The following PIP4K2A variants were observed in gnomAD, a reference collection of about 807,000 sequenced individuals.
PIP4K2A encodes phosphatidylinositol-5-phosphate 4-kinase type 2 alpha.
In PIP4K2A, 14 loss-of-function variants were observed where a neutral mutation model predicts 42.9. That is an observed-to-expected ratio of 0.33 (90% confidence interval 0.22 to 0.51). The LOEUF (loss-of-function observed/expected upper bound fraction) is 0.51, where lower values mean the gene tolerates loss of function less well. Among genes scored for constraint, PIP4K2A ranks in the 20% least tolerant of loss-of-function variants. The probability of loss-of-function intolerance (pLI) is 0.97; values close to 1 mark genes in which losing one functional copy is unlikely to be tolerated. For synonymous variants in PIP4K2A, 192 were observed against 192.2 expected (o/e 1.00, Z 0.01); for missense variants, 434 against 519.8 (o/e 0.83, Z 1.61).
At chr10:22,567,766 G>A (rs1248273680) in intron 6 of PIP4K2A, 85 bp downstream of exon 6, 1 of 1,140,716 alleles carries the variant, frequency 8.8e-7, no homozygotes, top group Non-Finnish European at 1.3e-6. Flanking sequence ...AGCAGGGGTG[G>A]GAGACTAGAA....
At chr10:22,702,077 T>C (rs1179547926) in intron 1 of PIP4K2A, among the ~76,000 whole-genome samples, 2 of 152,252 alleles carry the variant, frequency 1.3e-5, no homozygotes, top group Non-Finnish European at 2.9e-5. Context: ...CCAGTATCCC[T>C]AGCCATGTGG....
chr10:22,634,915 A>G (rs986480774), intron 1 of PIP4K2A, among the ~76,000 whole-genome samples: 7 of 152,206 alleles, frequency 4.6e-5, no homozygotes, highest in African/African-American at 1.7e-4. Flanking sequence ...TCCAATTTCT[A>G]TAAAACCTGG....
At chr10:22,678,618 C>T (rs1839605715) in intron 1 of PIP4K2A, among the ~76,000 whole-genome samples, 1 of 152,208 alleles carries the variant, frequency 6.6e-6, no homozygotes, top group South Asian at 2.1e-4. Flanking sequence ...TCTTCTCCAG[C>T]AGATTCCTAT....
At chr10:22,573,286 C>T (rs892878553) in intron 5 of PIP4K2A, 25 bp downstream of exon 5, 17 of 1,605,510 alleles carry the variant, frequency 1.1e-5, no homozygotes, top group Non-Finnish European at 1.4e-5. Flanking sequence ...AGTTACTTTA[C>T]AAAAATTCAT....
rs183172564 is a variant in PIP4K2A, at chr10:22,700,394, A to C, written c.144+13789T>G. 1.8e-3 allele frequency among the ~76,000 whole-genome samples: 279 copies of C among 152,336 alleles called. 1 individual carries two copies. The highest frequency in any genetic ancestry group is 3.3e-3 in the Non-Finnish European group (226 of 68,018). On this transcript the variant is annotated intron_variant, in intron 1 of 9. Coordinates refer to ENST00000376573, the MANE Select transcript of PIP4K2A (RefSeq NM_005028.5). ...TCTATAAGGGGACTTTATAAACCCC[A>C]CTTTCTTTTCTTCTGTCCAGACTGA...
chr10:22,573,530 C>A, intron 4 of PIP4K2A, 73 bp from the exon 5 acceptor site: 1 of 1,316,156 alleles, frequency 7.6e-7, no homozygotes, highest in Non-Finnish European at 1.0e-6. Context: ...AAAATACATA[C>A]GCCTATGGTG....
chr10:22,575,298 G>A (rs1837084769), intron 4 of PIP4K2A, among the ~76,000 whole-genome samples: 1 of 152,144 alleles, frequency 6.6e-6, no homozygotes, highest in Admixed American at 6.5e-5. Flanking sequence ...CTGCTCCGAG[G>A]CAGTTATTTT....
intron 1 of PIP4K2A, among the ~76,000 whole-genome samples, chr10:22,668,608 G>GA (rs1839394046): frequency 6.6e-6 from 1 of 152,162 alleles, no homozygotes; most frequent in Non-Finnish European, 1.5e-5. Context: ...GCATTTTCCT[G>GA]AAAATTCAAT....
intron 4 of PIP4K2A, among the ~76,000 whole-genome samples, chr10:22,586,838 C>T (rs1054428419): frequency 6.6e-6 from 1 of 152,166 alleles, no homozygotes; most frequent in African/African-American, 2.4e-5. Context: ...GCCCATTTAG[C>T]ACTTCTTATA....
At chr10:22,662,949 A>G (rs904410936) in intron 1 of PIP4K2A, among the ~76,000 whole-genome samples, 2 of 152,262 alleles carry the variant, frequency 1.3e-5, no homozygotes, top group Non-Finnish European at 2.9e-5. Flanking sequence ...CAGTTCTGCA[A>G]CGTCTGGTGT....
chr10:22,601,110 G>T (rs546900886), intron 3 of PIP4K2A, among the ~76,000 whole-genome samples: 1 of 119,878 alleles, frequency 8.3e-6, no homozygotes, highest in African/African-American at 3.1e-5. Context: ...CCCAGCCTGG[G>T]CAACAGAGCG....
intron 2 of PIP4K2A, among the ~76,000 whole-genome samples, chr10:22,608,878 A>G (rs1273580601): frequency 6.6e-6 from 1 of 152,072 alleles, no homozygotes; most frequent in Non-Finnish European, 1.5e-5. Context: ...TCCTGTCTCA[A>G]AAAAAAATTT....
chr10:22,604,009 GCACACACA>G (rs10571071), intron 3 of PIP4K2A, among the ~76,000 whole-genome samples: 235 of 149,668 alleles, frequency 1.6e-3, no homozygotes, highest in African/African-American at 4.9e-3. Flanking sequence ...ACGCGCGCAC[GCACACACA>G]CACACACACA....
chr10:22,541,105 G>A (rs1162048796), intron 8 of PIP4K2A, among the ~76,000 whole-genome samples: 2 of 152,196 alleles, frequency 1.3e-5, no homozygotes, highest in Non-Finnish European at 2.9e-5. Context: ...AAGTTGCTAA[G>A]GTAGGATGTA....
chr10:22,649,144 T>C (rs1838942526), intron 1 of PIP4K2A, among the ~76,000 whole-genome samples: 2 of 152,258 alleles, frequency 1.3e-5, no homozygotes, highest in South Asian at 4.1e-4. Context: ...GTTGCATGCA[T>C]TTGTTTAATG....
chr10:22,657,277 T>G (rs1296302731), intron 1 of PIP4K2A, among the ~76,000 whole-genome samples: 1 of 152,190 alleles, frequency 6.6e-6, no homozygotes, highest in Non-Finnish European at 1.5e-5. Flanking sequence ...ATGGGATGCC[T>G]TCACCTCCAG....
chr10:22,559,261 A>T (rs1445746822), intron 6 of PIP4K2A, among the ~76,000 whole-genome samples: 1 of 152,184 alleles, frequency 6.6e-6, no homozygotes, highest in African/African-American at 2.4e-5. Flanking sequence ...CACATACTGA[A>T]TTTTGGAAGT....
At chr10:22,589,083 C>T (rs1442707992) in intron 4 of PIP4K2A, among the ~76,000 whole-genome samples, 1 of 152,200 alleles carries the variant, frequency 6.6e-6, no homozygotes, top group African/African-American at 2.4e-5. Flanking sequence ...GGATGCTAAA[C>T]TCAAAGTTGT....
At chr10:22,600,007 A>G (rs1319160959) in intron 3 of PIP4K2A, among the ~76,000 whole-genome samples, 2 of 152,190 alleles carry the variant, frequency 1.3e-5, no homozygotes, top group African/African-American at 4.8e-5. Flanking sequence ...GTCCAGGATT[A>G]GTGGAGCCCC....
Sources: gnomAD v4.1 joint callset for allele counts (sites outside exome capture counted in the v4.1 genomes callset) on GRCh38, gnomAD v4.1.1 for gene constraint, MANE v1.5 for transcripts, NCBI Gene and HGNC (gene_info 2026-07-23, HGNC 2026-07-21) for gene names.